Variants in MAP3K13 observed in about 807,000 individuals in gnomAD.
MAP3K13 encodes the protein leucine zipper-bearing kinase.
Under a neutral mutation model 104.0 loss-of-function variants are expected in MAP3K13, and 52 were observed. That is an observed-to-expected ratio of 0.50 (90% CI 0.40 to 0.63). The LOEUF (loss-of-function observed/expected upper bound fraction) is 0.63, where lower values mean the gene tolerates loss of function less well. Ranked by LOEUF, MAP3K13 falls within the 20% of genes least tolerant of loss-of-function variation. MAP3K13 has a pLI of 0.00. For synonymous variants in MAP3K13, 394 were observed against 442.2 expected, an observed-to-expected ratio of 0.89 and a Z score of 1.37; for missense variants, 914 against 1,218.5, an observed-to-expected ratio of 0.75 and a Z score of 3.72.
intron 2 of MAP3K13, among the ~76,000 whole-genome samples, chr3:185,357,997 T>A (rs1205607371): frequency 6.6e-6 from 1 of 152,210 alleles, no homozygotes; most frequent in Non-Finnish European, 1.5e-5. Flanking sequence ...GAGGCTTTAA[T>A]CTTCTTAAAA....
At chr3:185,357,447 T>TAAAAAAAAAAAAAAAAAAAAAAA (rs71162295) in intron 2 of MAP3K13, among the ~76,000 whole-genome samples, 9 of 91,388 alleles carry the variant, frequency 9.8e-5, no homozygotes, top group East Asian at 2.8e-4. Flanking sequence ...AAACTCCATC[T>TAAAAAAAAAAAAAAAAAAAAAAA]AAAAAAAAAA....
At chr3:185,458,950 A>G (rs972956214) in intron 7 of MAP3K13, among the ~76,000 whole-genome samples, 2 of 152,230 alleles carry the variant, frequency 1.3e-5, no homozygotes, top group African/African-American at 2.4e-5. Flanking sequence ...CAAATAGGCA[A>G]TTACTGTTCC....
chr3:185,454,474 GA>G (rs1177940259), intron 7 of MAP3K13, among the ~76,000 whole-genome samples: 4 of 111,844 alleles, frequency 3.6e-5, no homozygotes, highest in South Asian at 2.7e-4. Context: ...ATATATATAT[GA>G]GATATATATG....
chr3:185,318,164 T>C (rs1016563615), intron 2 of MAP3K13, among the ~76,000 whole-genome samples: 1 of 152,216 alleles, frequency 6.6e-6, no homozygotes, highest in African/African-American at 2.4e-5. Context: ...ATATCTCTTC[T>C]GGGTTGGCAA....
At chr3:185,426,900 C>T (rs1310241476) in intron 1 of MAP3K13, among the ~76,000 whole-genome samples, 1 of 152,182 alleles carries the variant, frequency 6.6e-6, no homozygotes, top group Non-Finnish European at 1.5e-5. Context: ...TGATTATAAG[C>T]ACTGTTCTGT....
At chr3:185,322,735 A>G (rs577749801) in intron 2 of MAP3K13, among the ~76,000 whole-genome samples, 1 of 152,284 alleles carries the variant, frequency 6.6e-6, no homozygotes, top group South Asian at 2.1e-4. Context: ...ACCAACAAAT[A>G]TTTATTGAAT....
At chr3:185,475,546 C>G (rs1300470364) in intron 11 of MAP3K13, among the ~76,000 whole-genome samples, 1 of 152,110 alleles carries the variant, frequency 6.6e-6, no homozygotes, top group Non-Finnish European at 1.5e-5. Context: ...CTAAGCAGTC[C>G]CAGAGATTAA....
intron 1 of MAP3K13, among the ~76,000 whole-genome samples, chr3:185,372,657 G>T (rs990550498): frequency 1.3e-5 from 2 of 152,072 alleles, no homozygotes; most frequent in African/African-American, 4.8e-5. Flanking sequence ...TTTGATACCA[G>T]ATTTTGTTAA....
rs761820503 is a variant in MAP3K13 at position 185,418,238 on chromosome 3, C to T, written c.-85-10259C>T. 1.1e-5 allele frequency: 17 copies of T among 1,607,136 alleles called. No individual in the cohort carries two copies. The highest frequency in any genetic ancestry group is 6.7e-5 in the African/African-American group (5 of 74,736). On this transcript the variant is annotated intron_variant, in intron 1 of 13. Transcript: ENST00000265026. The surrounding 1 kb of genome is among the most constrained non-coding windows in gnomAD (Gnocchi z 4.5). ...ATTCGCTGAGAGGCATAGACCTTTT[C>T]GATATCATTCCAGGCTTTAAGTTTC...
chr3:185,462,458 C>G (rs1163503535), intron 7 of MAP3K13, among the ~76,000 whole-genome samples: 3 of 152,080 alleles, frequency 2.0e-5, no homozygotes, highest in Non-Finnish European at 2.9e-5. Context: ...ACCAAACATT[C>G]AATTCAGCAC....
chr3:185,467,803 A>C (rs1717540122), intron 10 of MAP3K13, among the ~76,000 whole-genome samples: 1 of 151,806 alleles, frequency 6.6e-6, no homozygotes, highest in African/African-American at 2.4e-5. Flanking sequence ...AAAAAAAGAA[A>C]TACCTGAGAC....
intron 2 of MAP3K13, among the ~76,000 whole-genome samples, chr3:185,434,869 T>C (rs1025437820): frequency 6.6e-6 from 1 of 152,230 alleles, no homozygotes; most frequent in Non-Finnish European, 1.5e-5. Flanking sequence ...TTTGGGCTTG[T>C]GTAAAGCTGT....
Position 185,423,625 on chromosome 3 carries a change from C to A in MAP3K13, c.-85-4872C>A, listed in dbSNP as rs1714257318. 6.6e-6 allele frequency among the ~76,000 whole-genome samples: 1 copy of A among 152,164 alleles called. No homozygotes were observed. Among genetic ancestry groups the A allele is most frequent in the Non-Finnish European group, 1.5e-5 (1 of 68,018 alleles). On this transcript the variant is annotated intron_variant, in intron 1 of 13. Transcript: ENST00000265026. The surrounding 1 kb of genome is among the most constrained non-coding windows in gnomAD (Gnocchi z 4.1). Reference sequence around the variant, plus strand: ...CTTCCCCCTGCCCCAACCTTATATTCCCAGGGAGCTTCTCAAGGCCTAGAT... The same window carrying A: ...CTTCCCCCTGCCCCAACCTTATATTACCAGGGAGCTTCTCAAGGCCTAGAT...
intron 8 of MAP3K13, among the ~76,000 whole-genome samples, chr3:185,464,566 T>G (rs568460081): frequency 1.3e-5 from 2 of 152,270 alleles, no homozygotes; most frequent in East Asian, 3.9e-4. Context: ...CTGCTTCTCC[T>G]TTGCCTTCTG....
intron 1 of MAP3K13, among the ~76,000 whole-genome samples, chr3:185,407,581 TTGATGCCTTCTGG>T (rs1713184542): frequency 6.6e-6 from 1 of 152,198 alleles, no homozygotes; most frequent in Non-Finnish European, 1.5e-5. Context: ...CAGCAGCTTG[TTGATGCCTTCTGG>T]TGATTCTACT....
intron 1 of MAP3K13, among the ~76,000 whole-genome samples, chr3:185,416,871 C>T (rs1359810248): frequency 6.6e-6 from 1 of 151,926 alleles, no homozygotes; most frequent in Non-Finnish European, 1.5e-5. Flanking sequence ...AATCCTCCCA[C>T]CTCAGCCTCC....
chr3:185,405,330 T>C (rs906820714), intron 1 of MAP3K13, among the ~76,000 whole-genome samples: 4 of 152,234 alleles, frequency 2.6e-5, no homozygotes, highest in Non-Finnish European at 5.9e-5. Flanking sequence ...TTTCTGATCA[T>C]TGCATAAGTA....
intron 2 of MAP3K13, among the ~76,000 whole-genome samples, chr3:185,326,313 A>G (rs1178070535): frequency 6.6e-6 from 1 of 152,098 alleles, no homozygotes; most frequent in African/African-American, 2.4e-5. Flanking sequence ...CCCTTTCCAC[A>G]TATACTTAAA....
In MAP3K13 at chr3:185,482,095, ATAAG is replaced by A. The variant is rs750549928; in HGVS notation, c.2800-256_2800-253del. On this transcript the variant is annotated intron_variant, in intron 13 of 13. Coordinates refer to ENST00000265026, the MANE Select transcript of MAP3K13 (RefSeq NM_004721.5). This position sits in a 1 kb window ranked among gnomAD's most constrained non-coding sequence, Gnocchi z 4.5. Reference sequence around the variant, plus strand: ...TGAGACTCCATCTCTAAATAAATAAATAAGTAAAGTACTTACAACAGTGCCTGGA... The same window carrying A: ...TGAGACTCCATCTCTAAATAAATAAATAAAGTACTTACAACAGTGCCTGGA... Among the ~76,000 whole-genome samples the A allele has an allele frequency of 6.6e-6, 1 of 152,252 alleles. No individual in the cohort carries two copies. Among genetic ancestry groups the A allele is most frequent in the Non-Finnish European group, 1.5e-5 (1 of 68,046 alleles).
Sources: allele counts gnomAD v4.1 joint callset (sites outside exome capture counted in the v4.1 genomes callset), GRCh38; gene constraint gnomAD v4.1.1; non-coding constraint Gnocchi (gnomAD v3.1); transcripts MANE v1.5; gene names NCBI Gene and HGNC (gene_info 2026-07-23, HGNC 2026-07-21).